TPTE: variants seen among roughly 807,000 people sequenced by gnomAD.
The protein encoded by TPTE is transmembrane phosphatase with tensin homology.
In TPTE, 59 loss-of-function variants were observed where a neutral mutation model predicts 84.1. The observed-to-expected ratio is 0.70, with a 90% CI of 0.57 to 0.87. TPTE has a LOEUF of 0.87. Among genes scored for constraint, TPTE ranks in the 40% least tolerant of loss-of-function variants. TPTE has a pLI of 0.00. For missense variants in TPTE, 382 were observed against 659.6 expected (o/e 0.58, Z 4.61); for synonymous variants, 130 against 223.5 (o/e 0.58, Z 3.73).
chr21:10,576,812 T>C (rs1288081931), intron 14 of TPTE, among the ~76,000 whole-genome samples: 1 of 151,306 alleles, frequency 6.6e-6, no homozygotes, highest in East Asian at 1.9e-4. Flanking sequence ...CTATTTGTTT[T>C]TCATTTTAAA....
intron 2 of TPTE, among the ~76,000 whole-genome samples, chr21:10,527,087 T>C (rs1407722867): frequency 2.0e-5 from 3 of 152,306 alleles, no homozygotes; most frequent in South Asian, 2.1e-4. Context: ...GCCATTGATA[T>C]AGAAACATTC....
chr21:10,526,541 C>T lies in TPTE; in HGVS notation c.-101-814C>T, dbSNP rs1024064499. Among the ~76,000 whole-genome samples, 5 of 152,418 alleles carry T rather than the reference C, an allele frequency of 3.3e-5. No homozygotes were observed. In the South Asian group the frequency reaches 1.0e-3, roughly 32 times the overall value. On this transcript the variant is annotated intron_variant, in intron 2 of 23. Transcript: ENST00000618007. Reference sequence around the variant, plus strand: ...CTTAGAGAATCCCAGTTGTTATCAGCAGCAAAAAAATGTATGTGATCAGTT... The same window carrying T: ...CTTAGAGAATCCCAGTTGTTATCAGTAGCAAAAAAATGTATGTGATCAGTT...
chr21:10,572,926 A>G (rs2075075696), intron 14 of TPTE, among the ~76,000 whole-genome samples: 3 of 152,302 alleles, frequency 2.0e-5, no homozygotes, highest in Admixed American at 2.0e-4. Context: ...GAAAAGAACA[A>G]AGGATATACA....
intron 3 of TPTE, among the ~76,000 whole-genome samples, chr21:10,533,803 T>C (rs1186258570): frequency 3.3e-5 from 5 of 152,308 alleles, no homozygotes; most frequent in Admixed American, 6.5e-5. Flanking sequence ...GGAAAAGCTT[T>C]AGACAAGGTA....
chr21:10,570,992 C>T (rs2075031466), intron 14 of TPTE, among the ~76,000 whole-genome samples: 1 of 152,310 alleles, frequency 6.6e-6, no homozygotes, highest in Non-Finnish European at 1.5e-5. Flanking sequence ...GCACCCACTG[C>T]TGCCAACAGC....
In TPTE at chr21:10,521,688, GCC is replaced by G; in HGVS notation, c.-215_-214del. On this transcript the variant is annotated 5_prime_UTR_variant, in exon 1 of 24. Transcript: ENST00000618007. ...CCCCGGCGCCTACACTTAGCTCCGC[GCC>G]CGAGGTGAGCCCAGGCCCTAAGTCC... The G allele has an allele frequency of 6.5e-6, 1 of 153,680 alleles. No homozygotes were observed. Among genetic ancestry groups the G allele is most frequent in the Admixed American group, 6.5e-5 (1 of 15,294 alleles). 9.5% of individuals were successfully genotyped at this position (153,680 alleles called of 1,614,324 possible).
At chr21:10,540,893 A>G (rs2074357118) in intron 4 of TPTE, 2 of 710,568 alleles carry the variant, frequency 2.8e-6, no homozygotes, top group Non-Finnish European at 5.1e-6. Flanking sequence ...CTTAATCTGC[A>G]TGCATCGCTA....
intron 14 of TPTE, among the ~76,000 whole-genome samples, chr21:10,576,844 T>TAC (rs1389603848): frequency 6.1e-4 from 2 of 3,266 alleles, no homozygotes; most frequent in African/African-American, 2.4e-3. Context: ...TATACATATA[T>TAC]ATATATATAT....
chr21:10,555,498 G>T (rs112729690), intron 8 of TPTE, among the ~76,000 whole-genome samples: 1 of 152,294 alleles, frequency 6.6e-6, no homozygotes, highest in Non-Finnish European at 1.5e-5. Context: ...GAGCCACCGC[G>T]CCTGGCCGCT....
intron 1 of TPTE, among the ~76,000 whole-genome samples, chr21:10,523,873 A>G (rs2074032713): frequency 3.3e-5 from 5 of 152,426 alleles, no homozygotes; most frequent in Admixed American, 3.3e-4. Context: ...GAATCGCCAC[A>G]CTGACTTCCA....
chr21:10,523,321 T>C (rs1195101619), intron 1 of TPTE, among the ~76,000 whole-genome samples: 1 of 152,308 alleles, frequency 6.6e-6, no homozygotes, highest in Admixed American at 6.5e-5. Flanking sequence ...TTATTATACT[T>C]TAAGTTTTAG....
chr21:10,529,991 A>G (rs1440340026), intron 3 of TPTE, among the ~76,000 whole-genome samples: 11 of 152,306 alleles, frequency 7.2e-5, no homozygotes, highest in African/African-American at 1.4e-4. Context: ...TCCTACCCCT[A>G]TTTGTTCACT....
chr21:10,594,301 T>C (rs2075540310), intron 19 of TPTE, among the ~76,000 whole-genome samples: 1 of 152,312 alleles, frequency 6.6e-6, no homozygotes, highest in Non-Finnish European at 1.5e-5. Context: ...AGTCTCTTGC[T>C]TTTTCAATTC....
Position 10,521,694 on chromosome 21 carries a change from G to A in TPTE, c.-211G>A, listed in dbSNP as rs1346907480. Reference sequence around the variant, plus strand: ...CGCCTACACTTAGCTCCGCGCCCGAGGTGAGCCCAGGCCCTAAGTCCTCCG... The same window carrying A: ...CGCCTACACTTAGCTCCGCGCCCGAAGTGAGCCCAGGCCCTAAGTCCTCCG... On this transcript the variant is annotated splice_region_variant and 5_prime_UTR_variant, in exon 1 of 24. Transcript: ENST00000618007. 1 of 153,712 alleles carries A rather than the reference G, an allele frequency of 6.5e-6. No homozygotes were observed. The highest frequency in any genetic ancestry group is 1.4e-5 in the Non-Finnish European group (1 of 69,264). 9.5% of individuals were successfully genotyped at this position (153,712 alleles called of 1,614,324 possible). A position where few individuals can be genotyped will look rare whatever the true frequency, so the allele number is the denominator to read the frequency against.
chr21:10,531,488 A>T (rs1055953131), intron 3 of TPTE, among the ~76,000 whole-genome samples: 1 of 152,310 alleles, frequency 6.6e-6, no homozygotes, highest in African/African-American at 2.4e-5. Flanking sequence ...CACAACTGTG[A>T]GCCAAATAAA....
chr21:10,561,878 C>G (rs1368986783), intron 10 of TPTE, among the ~76,000 whole-genome samples: 1 of 152,296 alleles, frequency 6.6e-6, no homozygotes, highest in Non-Finnish European at 1.5e-5. Context: ...GCCCCAGGGC[C>G]TTCAGTAAAC....
At chr21:10,583,808 C>G (rs1345554380) in intron 17 of TPTE, among the ~76,000 whole-genome samples, 2 of 152,294 alleles carry the variant, frequency 1.3e-5, no homozygotes, top group Non-Finnish European at 1.5e-5. Flanking sequence ...AGAAGATTTT[C>G]ATTTCTTTAC....
chr21:10,569,920 C>T (rs1333892603), intron 13 of TPTE, among the ~76,000 whole-genome samples, 174 bp downstream of exon 13: 1 of 152,310 alleles, frequency 6.6e-6, no homozygotes, highest in African/African-American at 2.4e-5. Flanking sequence ...GGAAGATCTA[C>T]ATGTCTTCTC....
intron 7 of TPTE, among the ~76,000 whole-genome samples, chr21:10,548,594 C>T (rs768507673): frequency 1.1e-4 from 16 of 152,298 alleles, no homozygotes; most frequent in Non-Finnish European, 1.8e-4. Flanking sequence ...CCAGCAGACA[C>T]ATATCCAGGA....
Sources: allele counts gnomAD v4.1 joint callset (sites outside exome capture counted in the v4.1 genomes callset), GRCh38; gene constraint gnomAD v4.1.1; transcripts MANE v1.5; gene names NCBI Gene and HGNC (gene_info 2026-07-23, HGNC 2026-07-21).